Variants in NPHP1 observed in about 807,000 individuals in gnomAD.
NPHP1 encodes the protein nephrocystin-1.
A neutral mutation model predicts 90.4 loss-of-function variants in NPHP1; 70 were observed. The observed-to-expected ratio is 0.77, with a 90% CI of 0.64 to 0.95. The LOEUF is 0.95. NPHP1 is among the 40% of genes least tolerant of loss of function. The pLI is 0.00. For missense variants in NPHP1, 764 were observed against 795.9 expected (o/e 0.96, Z 0.48); for synonymous variants, 256 against 271.7 (o/e 0.94, Z 0.57).
chr2:110,127,148 A>G (rs1179343363), intron 18 of NPHP1: 1 of 152,250 alleles, frequency 6.6e-6, no homozygotes, highest in Non-Finnish European at 1.5e-5. Flanking sequence ...AAGCCCAAGA[A>G]CAATTCTCCA....
intron 11 of NPHP1, among the ~76,000 whole-genome samples, chr2:110,152,666 GAC>G (rs1241125202): frequency 6.6e-6 from 1 of 151,070 alleles, no homozygotes; most frequent in African/African-American, 2.4e-5. Context: ...CAAGTAGGAG[GAC>G]AAAGACATAG....
intron 16 of NPHP1, among the ~76,000 whole-genome samples, chr2:110,137,561 A>G (rs1458291753): frequency 1.8e-4 from 27 of 152,270 alleles, no homozygotes; most frequent in African/African-American, 6.0e-4. Flanking sequence ...GCAGCCAAAA[A>G]ACACATGAAA....
chr2:110,190,705 G>C (rs963313289), intron 2 of NPHP1, among the ~76,000 whole-genome samples: 3 of 152,204 alleles, frequency 2.0e-5, no homozygotes, highest in African/African-American at 7.2e-5. Context: ...GGCAGAGGAG[G>C]CGCCAAGAGT....
At chr2:110,143,138 T>A (rs1680773421) in intron 16 of NPHP1, among the ~76,000 whole-genome samples, 1 of 152,170 alleles carries the variant, frequency 6.6e-6, no homozygotes, top group African/African-American at 2.4e-5. Context: ...TCTATCTTGA[T>A]TGTAGTGGTA....
rs1374365071 is a variant in NPHP1, at chr2:110,201,486, A to AC, written c.77dup (p.Ser26ArgfsTer5). Reference sequence around the variant, plus strand: ...CTTTCAGTTGGCTCTCAGAAAGCAAACTATCAACCTATGGAGACCATTTAA... The same window carrying AC: ...CTTTCAGTTGGCTCTCAGAAAGCAAACCTATCAACCTATGGAGACCATTTAA... On this transcript the variant is annotated frameshift_variant, in exon 2 of 20. Transcript: ENST00000445609. LOFTEE classifies it high-confidence loss of function. The AC allele has an allele frequency of 6.2e-7, 1 of 1,608,176 alleles. No homozygotes were observed. Among genetic ancestry groups the AC allele is most frequent in the Non-Finnish European group, 8.5e-7 (1 of 1,175,840 alleles).
intron 2 of NPHP1, among the ~76,000 whole-genome samples, chr2:110,197,947 T>G (rs962055247): frequency 1.3e-5 from 2 of 152,152 alleles, no homozygotes; most frequent in Admixed American, 1.3e-4. Flanking sequence ...ATTATTAAAA[T>G]CCTCAAACAG....
At chr2:110,162,452 G>A (rs1373862596) in intron 9 of NPHP1, among the ~76,000 whole-genome samples, 1 of 152,002 alleles carries the variant, frequency 6.6e-6, no homozygotes, top group Non-Finnish European at 1.5e-5. Context: ...CCCAGCAAAG[G>A]CATCCTCAAA....
intron 6 of NPHP1, among the ~76,000 whole-genome samples, chr2:110,167,129 G>A (rs1682778426): frequency 1.3e-5 from 2 of 151,992 alleles, no homozygotes; most frequent in South Asian, 4.2e-4. Context: ...TGAAAAACAT[G>A]TATTTGTTCT....
intron 4 of NPHP1, among the ~76,000 whole-genome samples, chr2:110,171,909 T>C (rs973799289): frequency 6.6e-6 from 1 of 152,200 alleles, no homozygotes; most frequent in African/African-American, 2.4e-5. Context: ...TCAGTGTTAT[T>C]GAAAGCTTAT....
chr2:110,129,139 C>T, intron 18 of NPHP1, 47 bp downstream of exon 18: 1 of 1,429,488 alleles, frequency 7.0e-7, no homozygotes, highest in Non-Finnish European at 9.8e-7. Flanking sequence ...GAGTGTATAA[C>T]TGCTTCCATA....
At position 110,123,708 on chromosome 2, in the gene NPHP1, T is replaced by C. The variant is rs1202777389; in HGVS notation, c.*83A>G. 1 of 1,418,938 alleles carries C rather than the reference T, an allele frequency of 7.0e-7. No individual in the cohort carries two copies. Among genetic ancestry groups the C allele is most frequent in the African/African-American group, 1.4e-5 (1 of 71,302 alleles). 87.9% of individuals were successfully genotyped at this position (1,418,938 alleles called of 1,614,324 possible). On this transcript the variant is annotated 3_prime_UTR_variant, in exon 20 of 20. Coordinates refer to ENST00000445609, the MANE Select transcript of NPHP1 (RefSeq NM_001128178.3). ...AACCTAAGTTGTAAAGTGACAGTGA[T>C]TTTTGGTTCCATCATTTTATTCACG...
At position 110,201,592 on chromosome 2, in the gene NPHP1, A is replaced by C; in HGVS notation, c.70-98T>G. The C allele has an allele frequency of 4.7e-6, 4 of 853,518 alleles. No homozygotes were observed. In the South Asian group the frequency reaches 6.2e-5, roughly 13 times the overall value. The allele number at this position is 853,518 out of a possible 1,614,324, so 52.9% of individuals were successfully genotyped here. A position where few individuals can be genotyped will look rare whatever the true frequency, so the allele number is the denominator to read the frequency against. Reference sequence around the variant, plus strand: ...CCAATATTTTATAATGAACACTTTTAAACATACAACAAAGTTTTAAAAATT... The same window carrying C: ...CCAATATTTTATAATGAACACTTTTCAACATACAACAAAGTTTTAAAAATT... On this transcript the variant is annotated intron_variant, in intron 1 of 19. Coordinates refer to ENST00000445609, the MANE Select transcript of NPHP1 (RefSeq NM_001128178.3).
intron 1 of NPHP1, chr2:110,202,342 CATCT>C (rs1216107919): frequency 7.7e-6 from 3 of 390,054 alleles, no homozygotes; most frequent in Middle Eastern, 3.6e-4. Context: ...ATTTGGCATC[CATCT>C]GAGTGTTATT....
At chr2:110,187,447 C>T in intron 2 of NPHP1, among the ~76,000 whole-genome samples, 1 of 152,124 alleles carries the variant, frequency 6.6e-6, no homozygotes. Context: ...GACACATACA[C>T]CCTCCCAAGA....
At chr2:110,146,664 T>C in intron 14 of NPHP1, 89 bp downstream of exon 14, 1 of 940,776 alleles carries the variant, frequency 1.1e-6, no homozygotes, top group Non-Finnish European at 1.8e-6. Context: ...GTTATTGGCA[T>C]GCTCATAGAA....
chr2:110,202,920 G>A (rs756174885), intron 1 of NPHP1, among the ~76,000 whole-genome samples: 2 of 152,118 alleles, frequency 1.3e-5, no homozygotes, highest in East Asian at 1.9e-4. Context: ...TCCCATTTCC[G>A]TGTATATACC....
intron 11 of NPHP1, among the ~76,000 whole-genome samples, chr2:110,155,113 G>GT (rs1480112523): frequency 6.6e-6 from 1 of 152,092 alleles, no homozygotes; most frequent in Non-Finnish European, 1.5e-5. Context: ...CACTCCAGCT[G>GT]TGACTAAAAG....
chr2:110,176,427 T>A (rs986150715), intron 4 of NPHP1, among the ~76,000 whole-genome samples: 1 of 152,156 alleles, frequency 6.6e-6, no homozygotes, highest in Admixed American at 6.5e-5. Flanking sequence ...TATATCTGGA[T>A]CATATCTGGG....
intron 2 of NPHP1, chr2:110,184,126 G>C (rs1487495260): frequency 1.8e-6 from 1 of 551,676 alleles, no homozygotes; most frequent in African/African-American, 1.9e-5. Flanking sequence ...ATTAAAGCTG[G>C]TTTTGCTGGT....
Sources: gnomAD v4.1 joint callset for allele counts (sites outside exome capture counted in the v4.1 genomes callset) on GRCh38, gnomAD v4.1.1 for gene constraint, MANE v1.5 for transcripts, NCBI Gene and HGNC (gene_info 2026-07-23, HGNC 2026-07-21) for gene names.